Variants in ITPR1 observed in about 807,000 individuals in gnomAD.
ITPR1 encodes the protein inositol 1,4,5-trisphosphate-gated calcium channel ITPR1.
Under a neutral mutation model 318.4 loss-of-function variants are expected in ITPR1, and 96 were observed. That is an observed-to-expected ratio of 0.30 (90% CI 0.26 to 0.36). The LOEUF (loss-of-function observed/expected upper bound fraction) is 0.36. Among genes scored for constraint, ITPR1 ranks in the 10% least tolerant of loss-of-function variants. The pLI is 1.00. For missense variants in ITPR1, 2,440 were observed against 3,460.2 expected, an observed-to-expected ratio of 0.71 and a Z score of 7.40; for synonymous variants, 1,312 against 1,289.9, an observed-to-expected ratio of 1.02 and a Z score of -0.37.
At chr3:4,792,615 C>T (rs540532096) in intron 52 of ITPR1, among the ~76,000 whole-genome samples, 74 of 152,284 alleles carry the variant, frequency 4.9e-4, no homozygotes, top group African/African-American at 1.8e-3. Flanking sequence ...AGGTCCCCTC[C>T]ACACGGACCT....
intron 4 of ITPR1, among the ~76,000 whole-genome samples, chr3:4,522,898 C>G (rs1213231993): frequency 6.6e-6 from 1 of 152,144 alleles, no homozygotes; most frequent in African/African-American, 2.4e-5. Flanking sequence ...GGAGTGGGAG[C>G]CATGGTTCTC....
chr3:4,814,438 A>G lies in ITPR1; in HGVS notation c.7577A>G (p.Glu2526Gly). 6.2e-7 allele frequency: 1 copy of G among 1,613,996 alleles called. No individual in the cohort carries two copies. The highest frequency in any genetic ancestry group is 1.1e-5 in the South Asian group (1 of 91,088). Residue 2526 changes from glutamate to glycine, a missense_variant, in exon 58 of 62, where the codon GAA (glutamate) becomes GGA (glycine). Glu to Gly is a moderately conservative substitution (Grantham distance 98). This residue lies in a region of ITPR1 where 88 missense variants were observed against 90.5 expected (regional missense o/e 0.97). Transcript: ENST00000649015. ...PAPREELVPA[E>G]ETEQDKEHTC... ...GTGTTCACAGAGCTGGTCCCTGCAG[A>G]AGAGACGGAACAGGATAAAGAGCAC... is the stretch of plus-strand genomic sequence containing the variant.
At chr3:4,705,033 T>C (rs1424416090) in intron 36 of ITPR1, among the ~76,000 whole-genome samples, 1 of 152,142 alleles carries the variant, frequency 6.6e-6, no homozygotes, top group Non-Finnish European at 1.5e-5. Flanking sequence ...ATTGTGTGTG[T>C]GTGTATGTTT....
At chr3:4,608,725 G>A (rs1428120456) in intron 4 of ITPR1, among the ~76,000 whole-genome samples, 1 of 151,924 alleles carries the variant, frequency 6.6e-6, no homozygotes, top group African/African-American at 2.4e-5. Context: ...GTGGTGCCCG[G>A]GCACGGTGGC....
chr3:4,699,522 C>T lies in ITPR1; in HGVS notation c.4408-291C>T, dbSNP rs79905400. Reference sequence around the variant, plus strand: ...CTGTAGTCACTGTGCTTCTTACTGCCGTTTGGGGTTTTGGATTTTCCAGAC... The same window carrying T: ...CTGTAGTCACTGTGCTTCTTACTGCTGTTTGGGGTTTTGGATTTTCCAGAC... On this transcript the variant is annotated intron_variant, in intron 34 of 61. Coordinates refer to ENST00000649015, the MANE Select transcript of ITPR1 (RefSeq NM_001378452.1). Among the ~76,000 whole-genome samples the T allele has an allele frequency of 3.7e-3, 564 of 152,254 alleles. 2 individuals are homozygous for T. Among genetic ancestry groups the T allele is most frequent in the African/African-American group, 0.013 (538 of 41,546 alleles).
intron 61 of ITPR1, among the ~76,000 whole-genome samples, chr3:4,838,381 T>C (rs1255430922): frequency 6.7e-6 from 1 of 149,582 alleles, no homozygotes; most frequent in Non-Finnish European, 1.5e-5. Context: ...TCTGCAGGAC[T>C]CATGAGGACA....
chr3:4,784,056 T>G, intron 51 of ITPR1, 136 bp downstream of exon 51: 1 of 624,058 alleles, frequency 1.6e-6, no homozygotes, highest in Non-Finnish European at 2.8e-6. Flanking sequence ...GGTCCTGGGC[T>G]GGGTGCTGGA....
intron 4 of ITPR1, among the ~76,000 whole-genome samples, chr3:4,560,690 GAAC>G (rs2125015988): frequency 6.6e-6 from 1 of 152,290 alleles, no homozygotes; most frequent in East Asian, 1.9e-4. Flanking sequence ...GAATCTTCTT[GAAC>G]AGTTCTGGAG....
intron 4 of ITPR1, among the ~76,000 whole-genome samples, chr3:4,587,075 C>T (rs1485502915): frequency 1.3e-5 from 2 of 152,106 alleles, no homozygotes; most frequent in African/African-American, 4.8e-5. Flanking sequence ...ATATTTTTTA[C>T]ATTTCCCTGG....
intron 4 of ITPR1, among the ~76,000 whole-genome samples, chr3:4,542,190 A>G (rs1433002869): frequency 1.3e-5 from 2 of 152,220 alleles, no homozygotes; most frequent in Admixed American, 6.5e-5. Context: ...AATATATTCT[A>G]TCTCTAAAAA....
At chr3:4,757,581 G>A (rs149314161) in intron 44 of ITPR1, among the ~76,000 whole-genome samples, 21 of 152,252 alleles carry the variant, frequency 1.4e-4, no homozygotes, top group African/African-American at 2.9e-4. Context: ...GGGCTGAGGC[G>A]TCGGACAGGT....
intron 61 of ITPR1, among the ~76,000 whole-genome samples, chr3:4,842,126 C>G (rs1297692419): frequency 6.6e-6 from 1 of 152,216 alleles, no homozygotes; most frequent in Non-Finnish European, 1.5e-5. Flanking sequence ...AGAGGCAATA[C>G]TGGTAGATTA....
chr3:4,814,196 G>A (rs1316893426), intron 57 of ITPR1: 2 of 541,764 alleles, frequency 3.7e-6, no homozygotes, highest in Admixed American at 5.7e-5. Context: ...CACAGAGGGA[G>A]AGCAATACTA....
At chr3:4,517,450 C>T (rs2082252238) in intron 3 of ITPR1, among the ~76,000 whole-genome samples, 1 of 152,046 alleles carries the variant, frequency 6.6e-6, no homozygotes, top group Non-Finnish European at 1.5e-5. Flanking sequence ...AGCAGCCAGA[C>T]CTTCCTTTCA....
intron 4 of ITPR1, among the ~76,000 whole-genome samples, chr3:4,623,766 C>T (rs1052911189): frequency 2.0e-5 from 3 of 152,202 alleles, no homozygotes; most frequent in Non-Finnish European, 4.4e-5. Flanking sequence ...AGTTGCTAAG[C>T]AACTGGGAAG....
chr3:4,659,581 G>A (rs1250521262), intron 13 of ITPR1, among the ~76,000 whole-genome samples: 1 of 151,998 alleles, frequency 6.6e-6, no homozygotes, highest in South Asian at 2.1e-4. Flanking sequence ...CAGCTACTTT[G>A]AAGGCTGAGG....
rs956776489 is a variant in ITPR1, at chr3:4,663,369, C to G, written c.1554+163C>G. On this transcript the variant is annotated intron_variant, in intron 16 of 61. Coordinates refer to ENST00000649015, the MANE Select transcript of ITPR1 (RefSeq NM_001378452.1). ...AGTGAGCTGATCGCATCACTGCCCTCCAGCCTGGGTGACAGAGAGAGAGCC... is the reference window on the plus strand; with the variant it reads ...AGTGAGCTGATCGCATCACTGCCCTGCAGCCTGGGTGACAGAGAGAGAGCC... 5.3e-5 allele frequency among the ~76,000 whole-genome samples: 8 copies of G among 151,816 alleles called. No homozygotes were observed. In the East Asian group the frequency reaches 7.7e-4, roughly 15 times the overall value.
rs527334393 is a variant in ITPR1, at chr3:4,617,234, A to G, written c.164-10529A>G. Among the ~76,000 whole-genome samples, 5 of 152,248 alleles carry G rather than the reference A, an allele frequency of 3.3e-5. No homozygotes were observed. In the East Asian group the frequency reaches 7.7e-4, roughly 24 times the overall value. On this transcript the variant is annotated intron_variant, in intron 4 of 61. Coordinates refer to ENST00000649015, the MANE Select transcript of ITPR1 (RefSeq NM_001378452.1). ...AGTGTCTTAGTCTATTTGTGCTGGT[A>G]TAACAGGATACCACAGACTGGATAA...
chr3:4,655,793 T>C (rs2093693583), intron 12 of ITPR1, among the ~76,000 whole-genome samples: 1 of 152,110 alleles, frequency 6.6e-6, no homozygotes, highest in Non-Finnish European at 1.5e-5. Context: ...GCTACTTCGA[T>C]GTTGATTGGG....
Sources: allele counts gnomAD v4.1 joint callset (sites outside exome capture counted in the v4.1 genomes callset), GRCh38; gene constraint gnomAD v4.1.1; regional missense constraint gnomAD v4.1.1; transcripts MANE v1.5; gene names NCBI Gene and HGNC (gene_info 2026-07-23, HGNC 2026-07-21).